The following TRAPPC9 variants were observed in gnomAD, a reference collection of about 807,000 sequenced individuals.
TRAPPC9 encodes the protein IKK2 binding protein.
TRAPPC9 carries 83 observed loss-of-function variants against 124.0 expected under a neutral mutation model. The observed-to-expected ratio is 0.67, with a 90% confidence interval of 0.56 to 0.80. The LOEUF (loss-of-function observed/expected upper bound fraction) is 0.80, where lower values mean the gene tolerates loss of function less well. Among genes scored for constraint, TRAPPC9 ranks in the 30% least tolerant of loss-of-function variants. The pLI is 0.00. For missense variants in TRAPPC9, 1,302 were observed against 1,508.3 expected, an observed-to-expected ratio of 0.86 and a Z score of 2.27; for synonymous variants, 638 against 617.5, an observed-to-expected ratio of 1.03 and a Z score of -0.49.
intron 17 of TRAPPC9, among the ~76,000 whole-genome samples, chr8:140,169,938 A>G (rs1679946389): frequency 6.6e-6 from 1 of 152,030 alleles, no homozygotes; most frequent in Admixed American, 6.5e-5. Flanking sequence ...GGGTTTCACC[A>G]TGTTGCCTAG....
chr8:140,033,690 T>TTTTG (rs1563707066), intron 17 of TRAPPC9, among the ~76,000 whole-genome samples: 3 of 106,782 alleles, frequency 2.8e-5, no homozygotes, highest in African/African-American at 5.0e-5. Context: ...TTTTTTTTTT[T>TTTTG]TTTTTTTTTG....
chr8:140,443,393 G>C (rs1037523614), intron 2 of TRAPPC9, among the ~76,000 whole-genome samples: 1 of 150,348 alleles, frequency 6.7e-6, no homozygotes, highest in Admixed American at 6.6e-5. Flanking sequence ...CCAAGATCGC[G>C]CCACTGCACT....
intron 21 of TRAPPC9, among the ~76,000 whole-genome samples, chr8:139,861,742 C>A (rs902906651): frequency 6.6e-6 from 1 of 152,070 alleles, no homozygotes; most frequent in Non-Finnish European, 1.5e-5. Context: ...TGGTTTTGAA[C>A]AGACCCCCTG....
intron 19 of TRAPPC9, among the ~76,000 whole-genome samples, chr8:139,971,740 TATATATATACAC>T (rs1397028382): frequency 2.3e-4 from 3 of 13,328 alleles, no homozygotes; most frequent in Non-Finnish European, 6.1e-4. Flanking sequence ...CACACACACA[TATATATATACAC>T]ACACACACAC....
intron 21 of TRAPPC9, among the ~76,000 whole-genome samples, chr8:139,853,704 C>T (rs1185972696): frequency 6.6e-6 from 1 of 152,160 alleles, no homozygotes; most frequent in East Asian, 1.9e-4. Context: ...CAGGAAGGGG[C>T]TGGGCCAGGG....
chr8:139,731,952 C>G (rs563267436), intron 22 of TRAPPC9, 27 bp downstream of exon 22: 1 of 1,552,550 alleles, frequency 6.4e-7, no homozygotes, highest in African/African-American at 1.4e-5. Context: ...CAGAGGCTCC[C>G]AGACCGCCTT....
In TRAPPC9 at chr8:140,053,746, G is replaced by A. The variant is rs185701081; in HGVS notation, c.2557-29667C>T. On this transcript the variant is annotated intron_variant, in intron 17 of 22. Coordinates refer to ENST00000438773, the MANE Select transcript of TRAPPC9 (RefSeq NM_001160372.4). ...ATTTAGGTGCTGTGATGTTGGGTGC[G>A]TACATACTGATAACCGTTACATCTT... Among the ~76,000 whole-genome samples, 29 of 152,220 alleles carry A rather than the reference G, an allele frequency of 1.9e-4. No individual in the cohort carries two copies. In the East Asian group the frequency reaches 5.2e-3, roughly 27 times the overall value.
At chr8:140,417,595 G>C (rs1290651348) in intron 5 of TRAPPC9, among the ~76,000 whole-genome samples, 1 of 152,194 alleles carries the variant, frequency 6.6e-6, no homozygotes, top group Non-Finnish European at 1.5e-5. Flanking sequence ...AAATAGGAAT[G>C]CCTTTATACT....
intron 18 of TRAPPC9, among the ~76,000 whole-genome samples, chr8:140,011,379 T>A (rs561666520): frequency 1.3e-5 from 2 of 151,336 alleles, no homozygotes; most frequent in African/African-American, 2.4e-5. Flanking sequence ...AACAATATTA[T>A]ATATATTTAG....
intron 20 of TRAPPC9, among the ~76,000 whole-genome samples, chr8:139,890,585 G>A (rs1357235500): frequency 1.3e-5 from 2 of 152,224 alleles, no homozygotes; most frequent in African/African-American, 4.8e-5. Context: ...AGGCCATTGT[G>A]AGGGACCCCT....
At chr8:140,413,366 C>A (rs2069776644) in intron 5 of TRAPPC9, among the ~76,000 whole-genome samples, 1 of 151,802 alleles carries the variant, frequency 6.6e-6, no homozygotes, top group Non-Finnish European at 1.5e-5. Context: ...CCAGCCTGGG[C>A]AACAAAAGCG....
intron 9 of TRAPPC9, among the ~76,000 whole-genome samples, chr8:140,313,442 G>T (rs76395935): frequency 2.6e-5 from 4 of 152,180 alleles, no homozygotes; most frequent in Admixed American, 6.5e-5. Context: ...AGAAAATAAC[G>T]TACACACTGA....
At chr8:140,259,168 C>T (rs2064339731) in intron 15 of TRAPPC9, among the ~76,000 whole-genome samples, 1 of 152,208 alleles carries the variant, frequency 6.6e-6, no homozygotes, top group Admixed American at 6.5e-5. Flanking sequence ...GCCCTAGTTA[C>T]CCGCCTGCAC....
chr8:139,788,234 T>G lies in TRAPPC9; in HGVS notation c.3056-56032A>C, dbSNP rs2130579681. ...GGCAGCCCCTCCTGTGGCCCAGGACTCTGCTGAGCTTCAGGTCCTGGGTGG... is the reference window on the plus strand; with the variant it reads ...GGCAGCCCCTCCTGTGGCCCAGGACGCTGCTGAGCTTCAGGTCCTGGGTGG... On this transcript the variant is annotated intron_variant, in intron 21 of 22. Transcript: ENST00000438773. This position sits in a 1 kb window ranked among gnomAD's most constrained non-coding sequence, Gnocchi z 4.9. Among the ~76,000 whole-genome samples, 1 of 152,306 alleles carries G rather than the reference T, an allele frequency of 6.6e-6. No individual in the cohort carries two copies. Among genetic ancestry groups the G allele is most frequent in the Admixed American group, 6.5e-5 (1 of 15,308 alleles).
rs564971659 is a variant in TRAPPC9 at position 140,273,400 on chromosome 8, T to C, written c.2278+2258A>G. 3.9e-5 allele frequency among the ~76,000 whole-genome samples: 6 copies of C among 152,336 alleles called. No homozygotes were observed. The South Asian group carries it at 1.0e-3, about 26-fold the overall frequency. ...CCCCGGAGTGACACAAGGAGGGACC[T>C]GGCCACCGACAGCTGTGATCCAGCT... On this transcript the variant is annotated intron_variant, in intron 15 of 22. Transcript: ENST00000438773.
intron 21 of TRAPPC9, among the ~76,000 whole-genome samples, chr8:139,817,493 C>T (rs1275144955): frequency 6.6e-6 from 1 of 152,206 alleles, no homozygotes; most frequent in Non-Finnish European, 1.5e-5. Flanking sequence ...CAGCCAGACC[C>T]ATGGATCGTC....
intron 17 of TRAPPC9, among the ~76,000 whole-genome samples, chr8:140,029,397 C>A (rs1167233117): frequency 1.3e-5 from 2 of 152,152 alleles, no homozygotes; most frequent in Admixed American, 1.3e-4. Context: ...CACAGCTACT[C>A]AGGAGGCTGA....
intron 20 of TRAPPC9, among the ~76,000 whole-genome samples, chr8:139,894,579 C>T (rs1830550801): frequency 6.6e-6 from 1 of 152,166 alleles, no homozygotes; most frequent in South Asian, 2.1e-4. Flanking sequence ...GCTGCTGCTT[C>T]TCTTTCCCTT....
At chr8:140,338,336 T>A (rs2067099020) in intron 9 of TRAPPC9, among the ~76,000 whole-genome samples, 1 of 152,176 alleles carries the variant, frequency 6.6e-6, no homozygotes, top group African/African-American at 2.4e-5. Flanking sequence ...CCATTACCAC[T>A]TCCAAAAGAG....
Sources: gnomAD v4.1 joint callset for allele counts (sites outside exome capture counted in the v4.1 genomes callset) on GRCh38, gnomAD v4.1.1 for gene constraint, Gnocchi (gnomAD v3.1) non-coding constraint, MANE v1.5 for transcripts, NCBI Gene and HGNC (gene_info 2026-07-23, HGNC 2026-07-21) for gene names.